Variants in CSGALNACT2 observed in about 807,000 individuals in gnomAD.
CSGALNACT2 encodes chondroitin sulfate N-acetylgalactosaminyltransferase 2.
A neutral mutation model predicts 55.3 loss-of-function variants in CSGALNACT2; 35 were observed. The ratio of observed to expected loss-of-function variants is 0.63; its 90% CI spans 0.48 to 0.84. The LOEUF is 0.84. Ranked by LOEUF, CSGALNACT2 falls within the 40% of genes least tolerant of loss-of-function variation. The pLI is 0.00. For missense variants in CSGALNACT2, 544 were observed against 657.5 expected, an observed-to-expected ratio of 0.83 and a Z score of 1.89; for synonymous variants, 196 against 224.9, an observed-to-expected ratio of 0.87 and a Z score of 1.15.
At chr10:43,140,720 T>C (rs998588349) in intron 1 of CSGALNACT2, among the ~76,000 whole-genome samples, 2 of 152,234 alleles carry the variant, frequency 1.3e-5, no homozygotes, top group African/African-American at 2.4e-5. Flanking sequence ...AGAACTTACA[T>C]TGTTATTGTC....
At chr10:43,146,664 G>C (rs1421301281) in intron 1 of CSGALNACT2, among the ~76,000 whole-genome samples, 1 of 151,916 alleles carries the variant, frequency 6.6e-6, no homozygotes, top group East Asian at 1.9e-4. Flanking sequence ...CAGGAGTTAG[G>C]CTACATTGAG....
chr10:43,151,342 G>A (rs941141015), intron 1 of CSGALNACT2, among the ~76,000 whole-genome samples: 2 of 152,138 alleles, frequency 1.3e-5, no homozygotes, highest in Admixed American at 6.5e-5. Flanking sequence ...GAAATAATGT[G>A]ATCCTTTCAA....
At chr10:43,179,400 T>C (rs1250826391) in intron 7 of CSGALNACT2, among the ~76,000 whole-genome samples, 1 of 151,904 alleles carries the variant, frequency 6.6e-6, no homozygotes, top group Non-Finnish European at 1.5e-5. Flanking sequence ...TTTTTTTTTT[T>C]CCTTGTTTAT....
In CSGALNACT2 at chr10:43,158,742, G is replaced by A; in HGVS notation, c.689G>A (p.Gly230Asp). ...EGYYRTERDKGTQYELFFKKA... is the reference protein window; with the variant it reads ...EGYYRTERDKDTQYELFFKKA... Reference sequence around the variant, plus strand: ...TATTATCGCACTGAGAGAGATAAGGGCACACAGTATGAACTCTTTTTTAAG... The same window carrying A: ...TATTATCGCACTGAGAGAGATAAGGACACACAGTATGAACTCTTTTTTAAG... Residue 230 changes from glycine (G) to aspartate (D), a missense_variant, in exon 3 of 8, where the codon GGC (glycine) becomes GAC (aspartate). Transcript: ENST00000374466. 2 of 1,608,058 alleles carry A rather than the reference G, an allele frequency of 1.2e-6. No homozygotes were observed. The highest frequency in any genetic ancestry group is 1.7e-6 in the Non-Finnish European group (2 of 1,174,758).
In CSGALNACT2 at chr10:43,156,984, A is replaced by G. The variant is rs1203579595; in HGVS notation, c.661+1174A>G. On this transcript the variant is annotated intron_variant, in intron 2 of 7. Coordinates refer to ENST00000374466, the MANE Select transcript of CSGALNACT2 (RefSeq NM_018590.5). ...CTTGCTGCACTGTAGCATTATTATA[A>G]TACACTGAGGCCCTTGGAGGCCATC... 2.0e-5 allele frequency among the ~76,000 whole-genome samples: 3 copies of G among 152,218 alleles called. No homozygotes were observed. In the East Asian group the frequency reaches 5.8e-4, roughly 29 times the overall value.
chr10:43,162,396 C>A, intron 4 of CSGALNACT2: 1 of 983,554 alleles, frequency 1.0e-6, no homozygotes, highest in Non-Finnish European at 1.2e-6. Flanking sequence ...CCAGCTTAAG[C>A]CTGGTCTCCA....
chr10:43,180,236 C>A (rs1260386503), intron 7 of CSGALNACT2, among the ~76,000 whole-genome samples: 1 of 152,204 alleles, frequency 6.6e-6, no homozygotes, highest in Non-Finnish European at 1.5e-5. Context: ...CTGGTATTCC[C>A]ATTATACATA....
At chr10:43,144,793 A>G (rs1838707906) in intron 1 of CSGALNACT2, among the ~76,000 whole-genome samples, 1 of 152,222 alleles carries the variant, frequency 6.6e-6, no homozygotes, top group Admixed American at 6.5e-5. Context: ...ACCCCTTTTT[A>G]TAATTCCTTC....
chr10:43,151,889 A>G (rs1240847823), intron 1 of CSGALNACT2, among the ~76,000 whole-genome samples: 3 of 152,088 alleles, frequency 2.0e-5, no homozygotes, highest in Non-Finnish European at 4.4e-5. Context: ...TCATTGTTTC[A>G]TATTTTGGGT....
intron 7 of CSGALNACT2, among the ~76,000 whole-genome samples, chr10:43,179,731 C>A (rs1426147191): frequency 1.3e-5 from 2 of 152,128 alleles, no homozygotes; most frequent in Admixed American, 6.5e-5. Context: ...TTTGTTCAGA[C>A]CCCAGGAGGT....
At chr10:43,144,267 G>A (rs927543173) in intron 1 of CSGALNACT2, among the ~76,000 whole-genome samples, 1 of 152,088 alleles carries the variant, frequency 6.6e-6, no homozygotes, top group Non-Finnish European at 1.5e-5. Flanking sequence ...TACATGTCCT[G>A]GAAATGATGC....
intron 1 of CSGALNACT2, among the ~76,000 whole-genome samples, chr10:43,141,287 G>A (rs557137799): frequency 5.9e-5 from 9 of 151,792 alleles, no homozygotes; most frequent in African/African-American, 1.7e-4. Context: ...GCGCCATCTC[G>A]GCTTACTGCG....
chr10:43,178,162 G>T (rs1311224770), intron 7 of CSGALNACT2, among the ~76,000 whole-genome samples: 3 of 152,136 alleles, frequency 2.0e-5, no homozygotes, highest in Non-Finnish European at 4.4e-5. Flanking sequence ...AATTTGGGAA[G>T]TTTCAGCCAT....
chr10:43,173,739 T>A (rs1839425815), intron 6 of CSGALNACT2, among the ~76,000 whole-genome samples: 1 of 152,146 alleles, frequency 6.6e-6, no homozygotes, highest in African/African-American at 2.4e-5. Context: ...ACACGTGTAA[T>A]CCGAGCACTT....
chr10:43,175,355 A>G (rs1392666478), intron 6 of CSGALNACT2, among the ~76,000 whole-genome samples: 1 of 152,194 alleles, frequency 6.6e-6, no homozygotes, highest in Non-Finnish European at 1.5e-5. Context: ...CTCTTAGAAG[A>G]ACGAAGGAGC....
chr10:43,183,527 T>C lies in CSGALNACT2; in HGVS notation c.1614T>C (p.Ser538=), dbSNP rs1280212542. The change falls in exon 8 of 8, where the codon AGT becomes AGC. Residue 538 remains serine (S), a synonymous_variant. Transcript: ENST00000374466. Reference sequence around the variant, plus strand: ...ATAAACAGGCATACAGGACAAACAGTGAAGCTGTTGGTTGAAATCATAATT... The same window carrying C: ...ATAAACAGGCATACAGGACAAACAGCGAAGCTGTTGGTTGAAATCATAATT... ...HLHKQAYRTN[S]EAVG 45 of 1,613,352 alleles carry C rather than the reference T, an allele frequency of 2.8e-5. No individual in the cohort carries two copies. The highest frequency in any genetic ancestry group is 3.6e-5 in the Non-Finnish European group (43 of 1,179,434).
intron 1 of CSGALNACT2, among the ~76,000 whole-genome samples, chr10:43,139,811 T>C (rs562734468): frequency 6.6e-6 from 1 of 152,274 alleles, no homozygotes; most frequent in Non-Finnish European, 1.5e-5. Flanking sequence ...GTATTATTAC[T>C]GTGTAATAGT....
chr10:43,183,158 C>T, intron 7 of CSGALNACT2, 92 bp from the exon 8 acceptor site: 1 of 1,034,128 alleles, frequency 9.7e-7, no homozygotes, highest in Non-Finnish European at 1.5e-6. Flanking sequence ...CATCCCATCC[C>T]TTTTGAAGCA....
chr10:43,183,384 G>A lies in CSGALNACT2; in HGVS notation c.1471G>A (p.Ala491Thr). ...LFHLWHEKRC[A>T]DELTPEQYRM... is the part of the protein sequence containing the mutation. ...CCACCTCTGGCATGAAAAGCGCTGT[G>A]CTGATGAGCTGACCCCCGAGCAGTA... Residue 491 changes from alanine (A) to threonine (T), a missense_variant, in exon 8 of 8, where the codon GCT becomes ACT. Transcript: ENST00000374466. The A allele has an allele frequency of 1.9e-6, 3 of 1,614,150 alleles. No homozygotes were observed. Among genetic ancestry groups the A allele is most frequent in the Non-Finnish European group, 2.5e-6 (3 of 1,180,030 alleles).
Sources: allele counts gnomAD v4.1 joint callset (sites outside exome capture counted in the v4.1 genomes callset), GRCh38; gene constraint gnomAD v4.1.1; transcripts MANE v1.5; gene names NCBI Gene and HGNC (gene_info 2026-07-23, HGNC 2026-07-21).